NUCB2: variants seen among roughly 807,000 people sequenced by gnomAD.
NUCB2 encodes the protein nucleobindin 2.
In NUCB2, 48 loss-of-function variants were observed where a neutral mutation model predicts 57.9. The ratio of observed to expected loss-of-function variants is 0.83; its 90% CI spans 0.66 to 1.05. NUCB2 has a LOEUF of 1.05. NUCB2 is among the 50% of genes least tolerant of loss of function. NUCB2 has a pLI of 0.00. For synonymous variants in NUCB2, 139 were observed against 152.1 expected (o/e 0.91, Z 0.64); for missense variants, 442 against 476.2 (o/e 0.93, Z 0.67).
At chr11:17,339,842 T>A (rs1210638518) in intron 2 of NUCB2, among the ~76,000 whole-genome samples, 3 of 152,054 alleles carry the variant, frequency 2.0e-5, no homozygotes, top group Non-Finnish European at 4.4e-5. Context: ...TAGCAGCATG[T>A]TTTATAATCC....
intron 2 of NUCB2, among the ~76,000 whole-genome samples, chr11:17,288,737 T>C (rs1274240368): frequency 6.7e-6 from 1 of 150,332 alleles, no homozygotes; most frequent in African/African-American, 2.5e-5. Context: ...ATATTTTTAG[T>C]AGAGATGGGG....
chr11:17,347,291 C>T (rs192021633), intron 2 of NUCB2, among the ~76,000 whole-genome samples: 1 of 152,304 alleles, frequency 6.6e-6, no homozygotes, highest in African/African-American at 2.4e-5. Flanking sequence ...AGATATGCAT[C>T]TATCTCCGTG....
intron 2 of NUCB2, among the ~76,000 whole-genome samples, chr11:17,292,061 G>A (rs898034815): frequency 1.6e-4 from 25 of 151,758 alleles, no homozygotes; most frequent in Admixed American, 1.2e-3. Context: ...TTCTGATTAC[G>A]TAACAGGAAA....
At chr11:17,288,923 A>ACACACACACACACACACACACG (rs1944368786) in intron 2 of NUCB2, among the ~76,000 whole-genome samples, 1 of 88,668 alleles carries the variant, frequency 1.1e-5, no homozygotes, top group Non-Finnish European at 2.0e-5. Context: ...ACACACACAC[A>ACACACACACACACACACACACG]CACACACACA....
At chr11:17,308,750 AT>A (rs775589733) in intron 5 of NUCB2, among the ~76,000 whole-genome samples, 9 of 152,226 alleles carry the variant, frequency 5.9e-5, no homozygotes, top group Non-Finnish European at 1.0e-4. Flanking sequence ...CGTTAAAAAA[AT>A]TGATATTTCC....
intron 2 of NUCB2, among the ~76,000 whole-genome samples, chr11:17,287,219 C>T (rs1455919230): frequency 6.6e-6 from 1 of 151,890 alleles, no homozygotes; most frequent in Non-Finnish European, 1.5e-5. Flanking sequence ...GTGGTCCCAG[C>T]TACTTGAGAA....
intron 2 of NUCB2, among the ~76,000 whole-genome samples, chr11:17,347,583 A>T (rs1952845500): frequency 6.6e-6 from 1 of 152,208 alleles, no homozygotes. Flanking sequence ...CAAATTTGGG[A>T]AATTTAACAT....
chr11:17,314,015 T>G (rs1372215323), intron 10 of NUCB2, among the ~76,000 whole-genome samples: 3 of 152,178 alleles, frequency 2.0e-5, no homozygotes, highest in Non-Finnish European at 4.4e-5. Flanking sequence ...CTCCTTGTGT[T>G]TAACTCACAT....
At chr11:17,338,455 G>A (rs1951982710) in intron 2 of NUCB2, among the ~76,000 whole-genome samples, 1 of 151,974 alleles carries the variant, frequency 6.6e-6, no homozygotes, top group South Asian at 2.1e-4. Flanking sequence ...AACAAGTTTT[G>A]TTTTACTAAT....
At chr11:17,285,934 T>TACACACACACACACAC (rs140090235) in intron 2 of NUCB2, among the ~76,000 whole-genome samples, 1 of 143,446 alleles carries the variant, frequency 7.0e-6, no homozygotes, top group East Asian at 2.0e-4. Flanking sequence ...CACGTGTGCG[T>TACACACACACACACAC]ACACACACAC....
At chr11:17,321,279 CCTT>C (rs1372614341) in intron 11 of NUCB2, among the ~76,000 whole-genome samples, 2 of 151,722 alleles carry the variant, frequency 1.3e-5, no homozygotes, top group Admixed American at 6.6e-5. Context: ...TGGTAACCAT[CCTT>C]CTATTCTTTA....
At chr11:17,307,776 C>T (rs1332142076) in intron 5 of NUCB2, among the ~76,000 whole-genome samples, 2 of 151,942 alleles carry the variant, frequency 1.3e-5, no homozygotes, top group African/African-American at 4.8e-5. Flanking sequence ...AGGATAATTT[C>T]CCCACAGTGG....
intron 11 of NUCB2, among the ~76,000 whole-genome samples, chr11:17,315,706 CT>C (rs1949141427): frequency 6.6e-6 from 1 of 151,944 alleles, no homozygotes; most frequent in Non-Finnish European, 1.5e-5. Flanking sequence ...AAAAATTATA[CT>C]TTTTTCAAAG....
chr11:17,345,681 TG>T (rs777329790), intron 2 of NUCB2, among the ~76,000 whole-genome samples: 113 of 152,304 alleles, frequency 7.4e-4, no homozygotes, highest in Non-Finnish European at 1.3e-3. Context: ...CACTACAGCC[TG>T]GGTGGCAGAG....
At chr11:17,336,611 G>A (rs868227409), downstream of NUCB2, among the ~76,000 whole-genome samples, 83 of 151,454 alleles carry the variant, frequency 5.5e-4, no homozygotes, top group African/African-American at 1.8e-3. Flanking sequence ...AAAATTAGCC[G>A]GGCGTGGTGG....
At chr11:17,298,376 G>C (rs1591336514) in intron 4 of NUCB2, among the ~76,000 whole-genome samples, 1 of 151,946 alleles carries the variant, frequency 6.6e-6, no homozygotes, top group East Asian at 1.9e-4. Context: ...GAACAGCCTA[G>C]GCAACATAGT....
At chr11:17,305,702 G>A (rs1947515400) in intron 5 of NUCB2, among the ~76,000 whole-genome samples, 1 of 151,914 alleles carries the variant, frequency 6.6e-6, no homozygotes, top group South Asian at 2.1e-4. Flanking sequence ...GCTCATTGCA[G>A]CCTCAGACTC....
intron 4 of NUCB2, 69 bp from the exon 5 acceptor site, chr11:17,301,675 T>A (rs1946781131): frequency 8.6e-7 from 1 of 1,159,256 alleles, no homozygotes; most frequent in Non-Finnish European, 1.3e-6. Flanking sequence ...TAACCCTGTT[T>A]TTAAGCTGTT....
chr11:17,314,964 T>C (rs1323768649), intron 10 of NUCB2, among the ~76,000 whole-genome samples: 1 of 152,190 alleles, frequency 6.6e-6, no homozygotes, highest in African/African-American at 2.4e-5. Context: ...TTGAGAGCAT[T>C]TTAATTTAAC....
Sources: allele counts gnomAD v4.1 joint callset (sites outside exome capture counted in the v4.1 genomes callset), GRCh38; gene constraint gnomAD v4.1.1; transcripts MANE v1.5; gene names NCBI Gene and HGNC (gene_info 2026-07-23, HGNC 2026-07-21).